ADAMTS14: variants seen among roughly 807,000 people sequenced by gnomAD.
ADAMTS14 encodes ADAM metallopeptidase with thrombospondin type 1 motif 14, also known as A disintegrin and metalloproteinase with thrombospondin motifs 14.
ADAMTS14 carries 100 observed loss-of-function variants against 128.6 expected under a neutral mutation model. The ratio of observed to expected loss-of-function variants is 0.78; its 90% confidence interval spans 0.66 to 0.92. ADAMTS14 has a LOEUF of 0.92. Ranked by LOEUF, ADAMTS14 falls within the 40% of genes least tolerant of loss-of-function variation. ADAMTS14 has a pLI of 0.00. For missense variants in ADAMTS14, 1,562 were observed against 1,658.6 expected (o/e 0.94, Z 1.01); for synonymous variants, 665 against 653.8 (o/e 1.02, Z -0.26).
intron 3 of ADAMTS14, among the ~76,000 whole-genome samples, chr10:70,703,595 G>C (rs1316566842): frequency 6.6e-6 from 1 of 152,200 alleles, no homozygotes; most frequent in Non-Finnish European, 1.5e-5. Flanking sequence ...TCTCCACCAG[G>C]GTTGAGAAGA....
intron 1 of ADAMTS14, 114 bp from the exon 2 acceptor site, chr10:70,674,442 C>T (rs1839577913): frequency 1.9e-6 from 2 of 1,066,518 alleles, no homozygotes; most frequent in Non-Finnish European, 2.7e-6. Context: ...GCTAAGGGGC[C>T]CACCTAAGGG....
chr10:70,721,487 G>A (rs1474068794), intron 4 of ADAMTS14, among the ~76,000 whole-genome samples: 5 of 151,644 alleles, frequency 3.3e-5, no homozygotes, highest in East Asian at 1.9e-4. Flanking sequence ...CCAGGTTCAC[G>A]CCATTCTCCT....
chr10:70,674,322 A>T (rs1340282241), intron 1 of ADAMTS14, among the ~76,000 whole-genome samples: 1 of 152,164 alleles, frequency 6.6e-6, no homozygotes, highest in Non-Finnish European at 1.5e-5. Context: ...GCTAAGTTTA[A>T]AAAGGACCTG....
chr10:70,746,772 G>A (rs1305904082), intron 15 of ADAMTS14, among the ~76,000 whole-genome samples: 1 of 152,182 alleles, frequency 6.6e-6, no homozygotes, highest in African/African-American at 2.4e-5. Context: ...CCTTATTCGA[G>A]TGAGTTGTAT....
intron 3 of ADAMTS14, among the ~76,000 whole-genome samples, chr10:70,707,357 T>C (rs1046286186): frequency 1.4e-4 from 22 of 152,096 alleles, no homozygotes; most frequent in African/African-American, 5.3e-4. Context: ...CTCAAATAAC[T>C]GGGGATAAAT....
rs750022384 is a variant in ADAMTS14 at position 70,751,529 on chromosome 10, G to T, written c.2479G>T (p.Val827Phe). The part of the protein sequence containing the change: ...GPRSSLAYKY[V>F]IHEDLLPLIG... ...CCGCAGCAGCCTGGCCTACAAGTAC[G>T]TCATCCATGAGGACCTGCTGCCCCT... Residue 827 changes from valine to phenylalanine, a missense_variant, in exon 17 of 22, where the codon GTC (valine) becomes TTC (phenylalanine). Physicochemically the swap from Val to Phe is conservative, Grantham distance 50 (BLOSUM62 -1). Transcript: ENST00000373207. 9 of 1,613,142 alleles carry T rather than the reference G, an allele frequency of 5.6e-6. No individual in the cohort carries two copies. The highest frequency in any genetic ancestry group is 1.3e-5 in the African/African-American group (1 of 74,908).
chr10:70,672,944 G>GCCCAAGGTTGC, intron 1 of ADAMTS14, 60 bp downstream of exon 1: 5 of 1,374,308 alleles, frequency 3.6e-6, no homozygotes, highest in Non-Finnish European at 4.7e-6. Flanking sequence ...GGTCAGGGTG[G>GCCCAAGGTTGC]CCCAAGGTTG....
chr10:70,739,538 A>G (rs1474992467), intron 11 of ADAMTS14, among the ~76,000 whole-genome samples: 1 of 151,542 alleles, frequency 6.6e-6, no homozygotes, highest in Admixed American at 6.6e-5. Context: ...TGGTTTTGGG[A>G]TATCTGAGCC....
At chr10:70,730,409 T>C in intron 6 of ADAMTS14, 160 bp downstream of exon 6, 1 of 1,113,618 alleles carries the variant, frequency 9.0e-7, no homozygotes, top group Non-Finnish European at 1.2e-6. Flanking sequence ...CAATGGTTTA[T>C]TGGGACCGTG....
intron 4 of ADAMTS14, among the ~76,000 whole-genome samples, chr10:70,715,934 G>A (rs955027017): frequency 4.6e-5 from 7 of 152,274 alleles, no homozygotes; most frequent in East Asian, 3.9e-4. Flanking sequence ...TTCCCCTGAC[G>A]TCCCTAGGAC....
At position 70,739,042 on chromosome 10, in the gene ADAMTS14, G is replaced by A. The variant is rs774804568; in HGVS notation, c.1748+52G>A. On this transcript the variant is annotated intron_variant, in intron 11 of 21. Transcript: ENST00000373207. Reference sequence around the variant, plus strand: ...GGGCAGGGAGTCCCTCCCCAGGGCGGAGGGGCTTGGAGGGGAAGGCACTGG... The same window carrying A: ...GGGCAGGGAGTCCCTCCCCAGGGCGAAGGGGCTTGGAGGGGAAGGCACTGG... The A allele has an allele frequency of 2.6e-6, 4 of 1,546,576 alleles. No homozygotes were observed. The Admixed American group carries it at 7.2e-5, about 28-fold the overall frequency.
At chr10:70,759,132 T>TAG (rs147146770) in intron 21 of ADAMTS14, among the ~76,000 whole-genome samples, 1 of 123,046 alleles carries the variant, frequency 8.1e-6, no homozygotes, top group East Asian at 2.2e-4. Flanking sequence ...AATCTTCTAC[T>TAG]TCTCTGCTCC....
At chr10:70,712,013 C>T (rs1260945778) in intron 4 of ADAMTS14, among the ~76,000 whole-genome samples, 2 of 151,614 alleles carry the variant, frequency 1.3e-5, no homozygotes, top group Non-Finnish European at 2.9e-5. Context: ...TGGTTTTGGA[C>T]ACAAAGGGCA....
intron 15 of ADAMTS14, among the ~76,000 whole-genome samples, chr10:70,745,812 G>C (rs1413421554): frequency 1.3e-5 from 2 of 152,120 alleles, no homozygotes; most frequent in Non-Finnish European, 2.9e-5. Flanking sequence ...CAGCTGGTAG[G>C]TCTCTGGGAG....
At chr10:70,710,528 T>A (rs1043015335) in intron 4 of ADAMTS14, among the ~76,000 whole-genome samples, 3 of 152,210 alleles carry the variant, frequency 2.0e-5, no homozygotes, top group Admixed American at 2.0e-4. Flanking sequence ...CACCTTATCC[T>A]CAGTCTAACA....
intron 4 of ADAMTS14, among the ~76,000 whole-genome samples, chr10:70,715,927 C>T (rs1841023264): frequency 6.6e-6 from 1 of 152,158 alleles, no homozygotes; most frequent in South Asian, 2.1e-4. Flanking sequence ...TCTGGTGTTC[C>T]CCTGACGTCC....
Position 70,760,840 on chromosome 10 carries a change from C to A in ADAMTS14, c.3659C>A (p.Ser1220Tyr), listed in dbSNP as rs768105324. 4 of 1,574,674 alleles carry A rather than the reference C, an allele frequency of 2.5e-6. No homozygotes were observed. The highest frequency in any genetic ancestry group is 3.5e-5 in the Admixed American group (2 of 57,200). The stretch of plus-strand genomic sequence containing the variant: ...CCCGGCACCAGCCTCCCTGCTGCCT[C>A]CCCGGTGACATGAGCTGTGCCCTGC... ...RHPGTSLPAA[S>Y]PVT Residue 1220 changes from serine to tyrosine, a missense_variant, in exon 22 of 22, where the codon TCC (serine) becomes TAC (tyrosine). Physicochemically the swap from Ser to Tyr is moderately radical, Grantham distance 144. Coordinates refer to ENST00000373207, the MANE Select transcript of ADAMTS14 (RefSeq NM_080722.4).
intron 1 of ADAMTS14, among the ~76,000 whole-genome samples, chr10:70,673,269 G>A (rs34616741): frequency 0.27 from 36,398 of 132,912 alleles, 4,631 homozygotes; most frequent in South Asian, 0.36. Flanking sequence ...CAAGGGGTGT[G>A]TGTGTGTGTG....
chr10:70,695,503 T>G lies in ADAMTS14; in HGVS notation c.523-6809T>G, dbSNP rs950251279. On this transcript the variant is annotated intron_variant, in intron 2 of 21. Transcript: ENST00000373207. ...CAGCCCCGGATGGCCCATTAGAGGT[T>G]CTGGCCCCTGCAGGTTATGTAGGGT... Among the ~76,000 whole-genome samples the G allele has an allele frequency of 3.3e-5, 5 of 152,274 alleles. No homozygotes were observed. The South Asian group carries it at 1.0e-3, about 32-fold the overall frequency.
Sources: allele counts gnomAD v4.1 joint callset (sites outside exome capture counted in the v4.1 genomes callset), GRCh38; gene constraint gnomAD v4.1.1; transcripts MANE v1.5; gene names NCBI Gene and HGNC (gene_info 2026-07-23, HGNC 2026-07-21).